The following CDC42BPB variants were observed in gnomAD, a reference collection of about 807,000 sequenced individuals.
CDC42BPB encodes the protein serine/threonine-protein kinase MRCK beta.
CDC42BPB carries 37 observed loss-of-function variants against 214.9 expected under a neutral mutation model. The observed-to-expected ratio is 0.17, with a 90% confidence interval of 0.13 to 0.23. CDC42BPB has a LOEUF of 0.23. Among genes scored for constraint, CDC42BPB ranks in the 10% least tolerant of loss-of-function variants. The pLI is 1.00. For missense variants in CDC42BPB, 1,694 were observed against 2,227.0 expected (o/e 0.76, Z 4.82); for synonymous variants, 931 against 884.0 (o/e 1.05, Z -0.94).
At position 102,971,267 on chromosome 14, in the gene CDC42BPB, TA is replaced by T. The variant is rs373989987; in HGVS notation, c.1884+651del. 1.6e-3 allele frequency among the ~76,000 whole-genome samples: 248 copies of T among 152,380 alleles called. 2 individuals are homozygous for T. The highest frequency in any genetic ancestry group is 5.6e-3 in the African/African-American group (234 of 41,594). ...CCTGCCAAATTTTTAAAGAAATAGTTACTTTTCATTAAACATGTTACTTATG... is the reference window on the plus strand; with the variant it reads ...CCTGCCAAATTTTTAAAGAAATAGTTCTTTTCATTAAACATGTTACTTATG... On this transcript the variant is annotated intron_variant, in intron 13 of 36. Coordinates refer to ENST00000361246, the MANE Select transcript of CDC42BPB (RefSeq NM_006035.4).
intron 34 of CDC42BPB, 72 bp from the exon 35 acceptor site, chr14:102,938,483 C>G: frequency 6.7e-7 from 1 of 1,495,630 alleles, no homozygotes; most frequent in South Asian, 1.4e-5. Context: ...GTTTGTGCAA[C>G]CTACGGTGGC....
intron 9 of CDC42BPB, among the ~76,000 whole-genome samples, chr14:102,976,861 A>G (rs1893770325): frequency 6.6e-6 from 1 of 152,164 alleles, no homozygotes; most frequent in East Asian, 1.9e-4. Context: ...TGCAAGTGTG[A>G]CAAGCATTTG....
At chr14:102,934,080 A>G in intron 36 of CDC42BPB, 2 of 1,234,716 alleles carry the variant, frequency 1.6e-6, no homozygotes, top group Non-Finnish European at 2.1e-6. Context: ...TATCATTACA[A>G]AAGACAGCAA....
rs183567283 is a variant in CDC42BPB, at chr14:103,021,243, G to A, written c.176-9055C>T. 8.2e-4 allele frequency among the ~76,000 whole-genome samples: 125 copies of A among 152,282 alleles called. 1 individual carries two copies. The East Asian group carries it at 0.01, about 12-fold the overall frequency. ...TGGGAGGCCGAGGCGAGTGGATCACGAGGTCAGGAGATCGAGACCATCCTG... is the reference window on the plus strand; with the variant it reads ...TGGGAGGCCGAGGCGAGTGGATCACAAGGTCAGGAGATCGAGACCATCCTG... On this transcript the variant is annotated intron_variant, in intron 1 of 36. Transcript: ENST00000361246.
intron 30 of CDC42BPB, among the ~76,000 whole-genome samples, chr14:102,942,622 G>A (rs1426815180): frequency 1.3e-5 from 2 of 152,164 alleles, no homozygotes; most frequent in Non-Finnish European, 2.9e-5. Flanking sequence ...ATGGCTCACT[G>A]CAGCCTCCAT....
At chr14:102,988,181 G>A (rs1011960320) in intron 5 of CDC42BPB, among the ~76,000 whole-genome samples, 1 of 152,052 alleles carries the variant, frequency 6.6e-6, no homozygotes, top group Non-Finnish European at 1.5e-5. Flanking sequence ...AGATCTAGAA[G>A]AATAAAATGA....
chr14:102,939,875 C>T lies in CDC42BPB; in HGVS notation c.4664G>A (p.Arg1555Gln), dbSNP rs373755648. 5.6e-6 allele frequency: 9 copies of T among 1,613,960 alleles called. 1 individual carries two copies. Among genetic ancestry groups the T allele is most frequent in the Middle Eastern group, 1.6e-4 (1 of 6,084 alleles). The change falls in exon 33 of 37, where the codon CGG becomes CAG. Residue 1555 changes from arginine (R) to glutamine (Q), a missense_variant. Coordinates refer to ENST00000361246, the MANE Select transcript of CDC42BPB (RefSeq NM_006035.4). ...TTCCTCTGGGACCTTGAAGACGAAC[C>T]GCCTTTTGCTCCTGGTGCGCAGCAT... is the stretch of plus-strand genomic sequence containing the variant. ...KQMLRTRSKR[R>Q]FVFKVPEEER...
At chr14:103,052,994 TAA>T (rs1035659564) in intron 1 of CDC42BPB, among the ~76,000 whole-genome samples, 8 of 152,256 alleles carry the variant, frequency 5.3e-5, no homozygotes, top group African/African-American at 9.6e-5. Flanking sequence ...TTGGAAACTG[TAA>T]AGTGTTTCAT....
chr14:102,967,652 C>T (rs1353042657), intron 16 of CDC42BPB, among the ~76,000 whole-genome samples: 1 of 152,150 alleles, frequency 6.6e-6, no homozygotes, highest in South Asian at 2.1e-4. Flanking sequence ...ACGCTGCCGG[C>T]GGCTGTAGCA....
chr14:103,018,175 C>T lies in CDC42BPB; in HGVS notation c.176-5987G>A, dbSNP rs34632476. ...GAATCTAATGCCACGCTGATCTGAC[C>T]GGAGGTAGAGCTCAGGTGGGAATGC... On this transcript the variant is annotated intron_variant, in intron 1 of 36. Transcript: ENST00000361246. 1.1e-4 allele frequency among the ~76,000 whole-genome samples: 16 copies of T among 152,244 alleles called. No individual in the cohort carries two copies. In the East Asian group the frequency reaches 1.2e-3, roughly 11 times the overall value.
chr14:103,023,228 C>T (rs373249023), intron 1 of CDC42BPB, among the ~76,000 whole-genome samples: 42 of 148,902 alleles, frequency 2.8e-4, no homozygotes, highest in African/African-American at 1.0e-3. Flanking sequence ...AGTGCACTGG[C>T]GCGATCTCGG....
intron 14 of CDC42BPB, among the ~76,000 whole-genome samples, chr14:102,969,834 C>T (rs549841026): frequency 1.3e-5 from 2 of 152,330 alleles, no homozygotes; most frequent in South Asian, 2.1e-4. Flanking sequence ...TAGAATACCA[C>T]GATGTGAAGA....
At chr14:102,998,763 C>T (rs140104404) in intron 5 of CDC42BPB, among the ~76,000 whole-genome samples, 11 of 152,300 alleles carry the variant, frequency 7.2e-5, no homozygotes, top group Non-Finnish European at 8.8e-5. Context: ...TCCTGGGGCC[C>T]TTCAGGGGTC....
chr14:102,960,210 A>G (rs1892897628), intron 20 of CDC42BPB, among the ~76,000 whole-genome samples: 1 of 152,108 alleles, frequency 6.6e-6, no homozygotes, highest in African/African-American at 2.4e-5. Flanking sequence ...ATCTCAAAAA[A>G]AAACAAAAAC....
Position 102,967,036 on chromosome 14 carries a change from G to A in CDC42BPB, c.2471+10C>T, listed in dbSNP as rs748861625. 1.6e-5 allele frequency: 26 copies of A among 1,612,858 alleles called. No homozygotes were observed. Among genetic ancestry groups the A allele is most frequent in the African/African-American group, 1.6e-4 (12 of 74,898 alleles). On this transcript the variant is annotated intron_variant, in intron 17 of 36. Transcript: ENST00000361246. ...CGGATTCACGGCCGCTAATGGGGCC[G>A]CGCACGTACCACTGAATGATTTCCG...
chr14:102,974,281 TACAC>T (rs71119749), intron 11 of CDC42BPB, 132 bp from the exon 12 acceptor site: 47,352 of 1,302,512 alleles, frequency 0.036, 104 homozygotes, highest in Non-Finnish European at 0.036. Flanking sequence ...TTTTTTTACT[TACAC>T]ACACACACAC....
At chr14:102,934,535 A>C (rs1311832823) in intron 36 of CDC42BPB, among the ~76,000 whole-genome samples, 7 of 151,782 alleles carry the variant, frequency 4.6e-5, no homozygotes, top group African/African-American at 1.7e-4. Context: ...CTCCGTCACA[A>C]AACAAAACAA....
chr14:102,958,933 A>C (rs976867426), intron 21 of CDC42BPB, among the ~76,000 whole-genome samples: 16 of 151,336 alleles, frequency 1.1e-4, no homozygotes, highest in Non-Finnish European at 5.9e-5. Context: ...TCAGCCTCCC[A>C]AAGTGCTGGG....
intron 27 of CDC42BPB, among the ~76,000 whole-genome samples, chr14:102,947,108 CAAT>C (rs1306452567): frequency 2.0e-5 from 3 of 152,226 alleles, no homozygotes; most frequent in Non-Finnish European, 2.9e-5. Flanking sequence ...GTTCCAGTAA[CAAT>C]GATGGTAATT....
Sources: allele counts gnomAD v4.1 joint callset (sites outside exome capture counted in the v4.1 genomes callset), GRCh38; gene constraint gnomAD v4.1.1; transcripts MANE v1.5; gene names NCBI Gene and HGNC (gene_info 2026-07-23, HGNC 2026-07-21).